The following KCNK9 variants were observed in gnomAD, a reference collection of about 807,000 sequenced individuals.
KCNK9 encodes the protein potassium two pore domain channel subfamily K member 9.
KCNK9 carries 1 observed loss-of-function variant against 10.8 expected under a neutral mutation model. That is an observed-to-expected ratio of 0.09 (90% confidence interval 0.03 to 0.44). KCNK9 has a LOEUF of 0.44. Among genes scored for constraint, KCNK9 ranks in the 20% least tolerant of loss-of-function variants. The pLI, the probability that KCNK9 is intolerant of heterozygous loss-of-function variation, is 0.97. For synonymous variants in KCNK9, 231 were observed against 222.7 expected (o/e 1.04, Z -0.33); for missense variants, 303 against 515.0 (o/e 0.59, Z 3.98).
intron 1 of KCNK9, among the ~76,000 whole-genome samples, chr8:139,690,289 A>G (rs752127003): frequency 2.0e-4 from 30 of 152,196 alleles, no homozygotes; most frequent in Non-Finnish European, 4.1e-4. Flanking sequence ...ACGGGGATAC[A>G]TGAAAATATC....
At chr8:139,629,325 T>C (rs1484430041) in intron 1 of KCNK9, among the ~76,000 whole-genome samples, 1 of 152,234 alleles carries the variant, frequency 6.6e-6, no homozygotes, top group Non-Finnish European at 1.5e-5. Flanking sequence ...TCTCCACTCC[T>C]GGCTCATACC....
intron 1 of KCNK9, among the ~76,000 whole-genome samples, chr8:139,655,185 A>C (rs1228708093): frequency 6.6e-6 from 1 of 151,652 alleles, no homozygotes; most frequent in East Asian, 1.9e-4. Context: ...CAGGCTGCAG[A>C]CCCCTGTGGC....
chr8:139,687,882 A>G (rs1816856011), intron 1 of KCNK9, among the ~76,000 whole-genome samples: 1 of 151,692 alleles, frequency 6.6e-6, no homozygotes, highest in African/African-American at 2.4e-5. Context: ...ATGCATCATT[A>G]CCTCTTAAAG....
intron 1 of KCNK9, among the ~76,000 whole-genome samples, chr8:139,683,646 C>T (rs1255483435): frequency 2.0e-5 from 3 of 152,198 alleles, no homozygotes; most frequent in Admixed American, 6.5e-5. Flanking sequence ...ATCCAGGACA[C>T]GTGGTAGCTG....
chr8:139,695,116 A>G (rs1455459108), intron 1 of KCNK9, among the ~76,000 whole-genome samples: 1 of 152,218 alleles, frequency 6.6e-6, no homozygotes, highest in African/African-American at 2.4e-5. Context: ...GTGCTCAGGT[A>G]TCAATGCCAG....
intron 1 of KCNK9, among the ~76,000 whole-genome samples, chr8:139,675,957 G>A (rs1279455083): frequency 6.6e-6 from 1 of 152,210 alleles, no homozygotes; most frequent in Non-Finnish European, 1.5e-5. Flanking sequence ...AATGTGGGCA[G>A]AAATAATACA....
intron 1 of KCNK9, among the ~76,000 whole-genome samples, chr8:139,665,703 CG>C (rs1047771705): frequency 6.6e-6 from 1 of 152,168 alleles, no homozygotes; most frequent in African/African-American, 2.4e-5. Flanking sequence ...ATGAGGTGGC[CG>C]TGCACAAAGG....
At chr8:139,630,983 C>T (rs1380278354) in intron 1 of KCNK9, among the ~76,000 whole-genome samples, 1 of 152,228 alleles carries the variant, frequency 6.6e-6, no homozygotes, top group Non-Finnish European at 1.5e-5. Context: ...GCCTGTGCCT[C>T]AGGGGCTCCG....
chr8:139,679,860 C>T (rs1313935363), intron 1 of KCNK9, among the ~76,000 whole-genome samples: 1 of 152,192 alleles, frequency 6.6e-6, no homozygotes, highest in East Asian at 1.9e-4. Context: ...TGTCCCCAAC[C>T]CCCAACTCCA....
chr8:139,680,339 G>A (rs935309697), intron 1 of KCNK9, among the ~76,000 whole-genome samples: 4 of 152,132 alleles, frequency 2.6e-5, no homozygotes, highest in East Asian at 1.9e-4. Context: ...CTCCCCACCC[G>A]GATCTGCCCC....
chr8:139,606,049 T>C (rs1817479958), intron 2 of KCNK9, among the ~76,000 whole-genome samples: 1 of 152,124 alleles, frequency 6.6e-6, no homozygotes, highest in Non-Finnish European at 1.5e-5. Context: ...TCTCTATGGA[T>C]GAGTTTGAAC....
intron 1 of KCNK9, among the ~76,000 whole-genome samples, chr8:139,686,226 C>A (rs1296858092): frequency 6.6e-6 from 1 of 152,094 alleles, no homozygotes; most frequent in Non-Finnish European, 1.5e-5. Context: ...GACTAAAACA[C>A]CAAAAGCAAT....
intron 1 of KCNK9, among the ~76,000 whole-genome samples, chr8:139,701,516 G>T (rs1383074397): frequency 6.6e-6 from 1 of 152,034 alleles, no homozygotes; most frequent in African/African-American, 2.4e-5. Flanking sequence ...CCAGAGAAGC[G>T]AGACAGGAGG....
intron 2 of KCNK9, among the ~76,000 whole-genome samples, chr8:139,602,482 G>GT (rs1817395968): frequency 1.3e-5 from 2 of 152,206 alleles, no homozygotes; most frequent in Non-Finnish European, 2.9e-5. Context: ...AGGGTGGTGG[G>GT]AGACCTTATA....
intron 1 of KCNK9, among the ~76,000 whole-genome samples, chr8:139,622,205 C>T (rs528864259): frequency 2.6e-5 from 4 of 152,294 alleles, no homozygotes; most frequent in African/African-American, 4.8e-5. Context: ...AGATGAACAG[C>T]GCTGAGGTTC....
At chr8:139,670,178 A>T (rs955433985) in intron 1 of KCNK9, among the ~76,000 whole-genome samples, 2 of 152,328 alleles carry the variant, frequency 1.3e-5, no homozygotes, top group African/African-American at 4.8e-5. Context: ...AACACACAAC[A>T]TTTATCAATT....
chr8:139,628,971 G>C (rs761382918), intron 1 of KCNK9, among the ~76,000 whole-genome samples: 3 of 152,268 alleles, frequency 2.0e-5, no homozygotes, highest in South Asian at 4.1e-4. Context: ...TTGACCCATG[G>C]TTATCACTGA....
At chr8:139,627,828 C>G (rs1023920248) in intron 1 of KCNK9, among the ~76,000 whole-genome samples, 1 of 152,222 alleles carries the variant, frequency 6.6e-6, no homozygotes, top group Non-Finnish European at 1.5e-5. Context: ...ATATGTATGT[C>G]CTGGGGAGAG....
downstream of KCNK9, among the ~76,000 whole-genome samples, chr8:139,614,869 A>T (rs944089748): frequency 6.6e-6 from 1 of 152,184 alleles, no homozygotes; most frequent in Non-Finnish European, 1.5e-5. Flanking sequence ...GGTACTGATG[A>T]TCCCTAAATA....
Sources: gnomAD v4.1 joint callset for allele counts (sites outside exome capture counted in the v4.1 genomes callset) on GRCh38, gnomAD v4.1.1 for gene constraint, MANE v1.5 for transcripts, NCBI Gene and HGNC (gene_info 2026-07-23, HGNC 2026-07-21) for gene names.